The following MYOF variants were observed in gnomAD, a reference collection of about 807,000 sequenced individuals.
MYOF encodes myoferlin.
Under a neutral mutation model 284.2 loss-of-function variants are expected in MYOF, and 244 were observed. The ratio of observed to expected loss-of-function variants is 0.86; its 90% confidence interval spans 0.77 to 0.95. MYOF has a LOEUF of 0.95. Ranked by LOEUF, MYOF falls within the 40% of genes least tolerant of loss-of-function variation. The probability of loss-of-function intolerance (pLI) is 0.00; values close to 1 mark genes in which losing one functional copy is unlikely to be tolerated. For synonymous variants in MYOF, 904 were observed against 919.7 expected, an observed-to-expected ratio of 0.98 and a Z score of 0.31; for missense variants, 2,496 against 2,560.6, an observed-to-expected ratio of 0.97 and a Z score of 0.54.
chr10:93,433,215 C>T (rs1397663112), intron 3 of MYOF, among the ~76,000 whole-genome samples: 4 of 152,084 alleles, frequency 2.6e-5, no homozygotes, highest in Admixed American at 6.5e-5. Flanking sequence ...TGGAGTGCAA[C>T]GGCGTGATCT....
At chr10:93,353,958 T>A (rs1282068255) in intron 31 of MYOF, 70 bp from the exon 32 acceptor site, 1 of 1,233,972 alleles carries the variant, frequency 8.1e-7, no homozygotes, top group Non-Finnish European at 1.2e-6. Flanking sequence ...CTGGAATATT[T>A]GGAAAAAATA....
chr10:93,408,899 A>G lies in MYOF; in HGVS notation c.617T>C (p.Ile206Thr), dbSNP rs1165166183. The change falls in exon 7 of 54, where the codon ATT (isoleucine) becomes ACT (threonine). Residue 206 changes from isoleucine (I) to threonine (T), a missense_variant. Ile to Thr is a moderately conservative substitution (Grantham distance 89). Around this residue, in one of 3 missense-constraint regions of MYOF, gnomAD observed 2,436 missense variants for 2,480.7 expected, o/e 0.98. Coordinates refer to ENST00000359263, the MANE Select transcript of MYOF (RefSeq NM_013451.4). ...GTTACCACTTAACTGTCGGCCCTCA[A>G]TCACTCGGACGCGGATCTGCAGCAC... ...PQDFQIRVRVIEGRQLSGNNI... is the reference protein window; with the variant it reads ...PQDFQIRVRVTEGRQLSGNNI... The G allele has an allele frequency of 1.2e-6, 2 of 1,614,190 alleles. No individual in the cohort carries two copies. The highest frequency in any genetic ancestry group is 1.7e-5 in the Admixed American group (1 of 60,024).
chr10:93,396,007 T>C, intron 16 of MYOF, 135 bp downstream of exon 16: 1 of 549,186 alleles, frequency 1.8e-6, no homozygotes. Flanking sequence ...ATCATTGAAA[T>C]GGTTCACTAG....
chr10:93,338,030 G>T, intron 39 of MYOF, 117 bp from the exon 40 acceptor site: 1 of 737,824 alleles, frequency 1.4e-6, no homozygotes. Flanking sequence ...TGTTAAAAGT[G>T]AGATTATATG....
At chr10:93,354,577 A>T (rs1844695523) in intron 31 of MYOF, among the ~76,000 whole-genome samples, 1 of 152,074 alleles carries the variant, frequency 6.6e-6, no homozygotes, top group Non-Finnish European at 1.5e-5. Context: ...TCTGGGAAAC[A>T]GTTAACATCT....
At chr10:93,407,151 C>A (rs544534522) in intron 7 of MYOF, among the ~76,000 whole-genome samples, 15 of 151,986 alleles carry the variant, frequency 9.9e-5, no homozygotes, top group Non-Finnish European at 1.9e-4. Flanking sequence ...GGAGGCAGGG[C>A]GCAGTGGCTC....
chr10:93,403,206 G>A (rs1589512802), intron 9 of MYOF, among the ~76,000 whole-genome samples: 1 of 152,064 alleles, frequency 6.6e-6, no homozygotes, highest in East Asian at 1.9e-4. Flanking sequence ...AGGCAAAGTG[G>A]GACCATTGGT....
intron 4 of MYOF, among the ~76,000 whole-genome samples, chr10:93,428,566 A>AACACACACACACAC (rs58503520): frequency 3.9e-4 from 56 of 143,916 alleles, no homozygotes; most frequent in Non-Finnish European, 5.0e-4. Context: ...ACATCTGGTA[A>AACACACACACACAC]ACACACACAC....
At chr10:93,362,632 C>A (rs787636) in intron 27 of MYOF, among the ~76,000 whole-genome samples, 45,752 of 151,900 alleles carry the variant, frequency 0.3, 7,901 homozygotes, top group Non-Finnish European at 0.4. Context: ...AAAATATTGA[C>A]TTAAGTTTGC....
intron 26 of MYOF, 56 bp downstream of exon 26, chr10:93,366,336 A>G: frequency 6.4e-7 from 1 of 1,563,256 alleles, no homozygotes; most frequent in Non-Finnish European, 8.7e-7. Context: ...ATATTTAGCA[A>G]TTTCTAGAGA....
chr10:93,349,323 C>T (rs1844391346), intron 36 of MYOF, among the ~76,000 whole-genome samples: 1 of 152,178 alleles, frequency 6.6e-6, no homozygotes, highest in African/African-American at 2.4e-5. Context: ...AAGGTGCCAT[C>T]CCAGGGGCAC....
intron 4 of MYOF, among the ~76,000 whole-genome samples, chr10:93,430,045 C>T (rs944551447): frequency 4.0e-5 from 6 of 151,504 alleles, no homozygotes; most frequent in Admixed American, 6.6e-5. Context: ...AGCGATTCTT[C>T]TGCCTCAGCC....
intron 38 of MYOF, among the ~76,000 whole-genome samples, chr10:93,342,300 A>T (rs1329078893): frequency 1.2e-4 from 18 of 152,058 alleles, no homozygotes; most frequent in Non-Finnish European, 1.6e-4. Context: ...AATACAGGAC[A>T]TCAGCAAGCT....
At chr10:93,404,333 T>C (rs1847447333) in intron 7 of MYOF, 114 bp from the exon 8 acceptor site, 2 of 1,101,074 alleles carry the variant, frequency 1.8e-6, no homozygotes, top group South Asian at 2.9e-5. Flanking sequence ...AATTCAAAAT[T>C]AGGTTTGACC....
intron 9 of MYOF, among the ~76,000 whole-genome samples, chr10:93,403,806 C>T (rs1204056552): frequency 1.3e-5 from 2 of 152,124 alleles, no homozygotes; most frequent in African/African-American, 4.8e-5. Context: ...TGGGAAGGGC[C>T]CTGATATGGC....
At chr10:93,392,730 G>A (rs1846757457) in intron 17 of MYOF, among the ~76,000 whole-genome samples, 187 bp downstream of exon 17, 2 of 152,176 alleles carry the variant, frequency 1.3e-5, no homozygotes, top group African/African-American at 4.8e-5. Flanking sequence ...AGCCTGGTTA[G>A]CATATTTCTT....
chr10:93,433,275 A>G (rs1339636653), intron 3 of MYOF, among the ~76,000 whole-genome samples: 1 of 152,142 alleles, frequency 6.6e-6, no homozygotes, highest in Non-Finnish European at 1.5e-5. Flanking sequence ...CTCCTGCCTT[A>G]GCCCCTCGAG....
intron 30 of MYOF, among the ~76,000 whole-genome samples, chr10:93,355,963 T>C (rs1844783930): frequency 6.6e-6 from 1 of 152,068 alleles, no homozygotes; most frequent in Non-Finnish European, 1.5e-5. Flanking sequence ...CCAGCCCTCC[T>C]ACCTCCAGTC....
chr10:93,367,874 G>A (rs992880747), intron 25 of MYOF, among the ~76,000 whole-genome samples: 2 of 152,078 alleles, frequency 1.3e-5, no homozygotes, highest in African/African-American at 4.8e-5. Context: ...ATGAAGGCAA[G>A]AGCCAGTAAA....
Sources: gnomAD v4.1 joint callset for allele counts (sites outside exome capture counted in the v4.1 genomes callset) on GRCh38, gnomAD v4.1.1 for gene constraint, gnomAD v4.1.1 regional missense constraint, MANE v1.5 for transcripts, NCBI Gene and HGNC (gene_info 2026-07-23, HGNC 2026-07-21) for gene names.